The following ANK1 variants were observed in gnomAD, a reference collection of about 807,000 sequenced individuals.
ANK1 encodes ankyrin 1.
In ANK1, 51 loss-of-function variants were observed where a neutral mutation model predicts 210.4. That is an observed-to-expected ratio of 0.24 (90% CI 0.19 to 0.31). ANK1 has a LOEUF of 0.31. ANK1 is among the 10% of genes least tolerant of loss of function. The pLI is 1.00. For synonymous variants in ANK1, 967 were observed against 1,025.9 expected, an observed-to-expected ratio of 0.94 and a Z score of 1.10; for missense variants, 2,051 against 2,504.4, an observed-to-expected ratio of 0.82 and a Z score of 3.86.
rs780356739 is a variant in ANK1, at chr8:41,688,278, T to C, written c.4184-48A>G. On this transcript the variant is annotated intron_variant, in intron 34 of 42. Transcript: ENST00000289734. ...ATTTAGTAGCCAGGGCAGGACACAG[T>C]TGACAGGCCTGAGGACACGGCCTGT... 4.4e-6 allele frequency: 7 copies of C among 1,596,614 alleles called. No individual in the cohort carries two copies. The South Asian group carries it at 4.4e-5, about 10-fold the overall frequency.
upstream of ANK1, chr8:41,797,692 C>T (rs561376119): frequency 2.9e-4 from 353 of 1,197,732 alleles, 2 homozygotes; most frequent in African/African-American, 4.8e-3. This position sits in a 1 kb window ranked among gnomAD's most constrained non-coding sequence, Gnocchi z 4.0. Flanking sequence ...GCTGTCGGGC[C>T]GGGCGCTCCC....
chr8:41,886,402 T>C (rs1305128208), intron 1 of ANK1, among the ~76,000 whole-genome samples: 1 of 152,248 alleles, frequency 6.6e-6, no homozygotes, highest in African/African-American at 2.4e-5. Flanking sequence ...GGGAGCACTA[T>C]TGAGCAACTT....
chr8:41,687,105 C>A (rs1266686428), intron 35 of ANK1, among the ~76,000 whole-genome samples: 1 of 152,140 alleles, frequency 6.6e-6, no homozygotes, highest in African/African-American at 2.4e-5. Context: ...CAAGTCATTG[C>A]CAAAAGGTTT....
At chr8:41,689,403 C>T (rs6981415) in intron 33 of ANK1, among the ~76,000 whole-genome samples, 4,759 of 151,940 alleles carry the variant, frequency 0.031, 250 homozygotes, top group African/African-American at 0.11. Context: ...ACTGGGGTTA[C>T]AGGCATGAGC....
At chr8:41,868,507 C>T (rs1307459071) in intron 1 of ANK1, among the ~76,000 whole-genome samples, 1 of 152,228 alleles carries the variant, frequency 6.6e-6, no homozygotes, top group Non-Finnish European at 1.5e-5. Flanking sequence ...CTAAATGCAG[C>T]TTCCAGACAA....
intron 1 of ANK1, among the ~76,000 whole-genome samples, chr8:41,849,784 C>A (rs1276150812): frequency 6.6e-6 from 1 of 152,210 alleles, no homozygotes; most frequent in East Asian, 1.9e-4. Context: ...TTCGTCAGCA[C>A]GTCACTCACA....
chr8:41,680,642 T>C (rs1450610267), intron 37 of ANK1, among the ~76,000 whole-genome samples: 1 of 151,222 alleles, frequency 6.6e-6, no homozygotes, highest in Non-Finnish European at 1.5e-5. Flanking sequence ...TTGTCTTCAC[T>C]CTGGGAGTCC....
intron 1 of ANK1, chr8:41,788,998 T>G (rs1423647308): frequency 6.6e-6 from 1 of 152,322 alleles, no homozygotes; most frequent in Non-Finnish European, 1.5e-5. Context: ...AGGCTTTCTC[T>G]GTTTTGTGAA....
rs1831192596 is a variant in ANK1 at position 41,728,101 on chromosome 8, C to CG, written c.229-96dup. 16 of 1,252,384 alleles carry CG rather than the reference C, an allele frequency of 1.3e-5. No individual in the cohort carries two copies. The South Asian group carries it at 2.0e-4, about 15-fold the overall frequency. 77.6% of individuals were successfully genotyped at this position (1,252,384 alleles called of 1,614,324 possible). A position where few individuals can be genotyped will look rare whatever the true frequency, so the allele number is the denominator to read the frequency against. ...GTGGACAGGTGCTGCTTGAGGGACCCGGGGGCTTTCTTCATGGCCAAAAGG... is the reference window on the plus strand; with the variant it reads ...GTGGACAGGTGCTGCTTGAGGGACCCGGGGGGCTTTCTTCATGGCCAAAAGG... On this transcript the variant is annotated intron_variant, in intron 3 of 42. Coordinates refer to ENST00000289734, the MANE Select transcript of ANK1 (RefSeq NM_000037.4).
chr8:41,674,513 C>G (rs1206993742), intron 37 of ANK1, among the ~76,000 whole-genome samples: 1 of 152,226 alleles, frequency 6.6e-6, no homozygotes, highest in Non-Finnish European at 1.5e-5. Context: ...TTTCCTACAA[C>G]AGGATTGGGC....
chr8:41,697,798 G>A, intron 24 of ANK1: 2 of 592,376 alleles, frequency 3.4e-6, no homozygotes, highest in Admixed American at 2.3e-5. Context: ...GTCCTGGGCT[G>A]CATCCAAGGA....
chr8:41,835,056 C>A (rs191770330), intron 1 of ANK1, among the ~76,000 whole-genome samples: 1 of 152,252 alleles, frequency 6.6e-6, no homozygotes, highest in African/African-American at 2.4e-5. Context: ...TTGAAGGCAG[C>A]GAGATGGCGC....
chr8:41,876,548 A>G (rs111314517), intron 1 of ANK1, among the ~76,000 whole-genome samples: 13 of 152,386 alleles, frequency 8.5e-5, no homozygotes, highest in African/African-American at 3.1e-4. Flanking sequence ...AGGTTCGCAC[A>G]GCCAGTATGT....
At chr8:41,889,604 A>G (rs928896215) in intron 1 of ANK1, among the ~76,000 whole-genome samples, 8 of 152,164 alleles carry the variant, frequency 5.3e-5, no homozygotes, top group East Asian at 3.8e-4. Flanking sequence ...AGTGTCTCCA[A>G]TGCAAGTTTT....
At chr8:41,832,238 C>T (rs1806805640) in intron 1 of ANK1, among the ~76,000 whole-genome samples, 1 of 152,168 alleles carries the variant, frequency 6.6e-6, no homozygotes, top group Non-Finnish European at 1.5e-5. Flanking sequence ...TATGGCTCCC[C>T]ACCAGAAGGG....
At chr8:41,882,867 G>A (rs550596407) in intron 1 of ANK1, among the ~76,000 whole-genome samples, 2 of 152,364 alleles carry the variant, frequency 1.3e-5, no homozygotes, top group African/African-American at 4.8e-5. Context: ...CCGTGACCTT[G>A]AAAGCAACTT....
intron 1 of ANK1, among the ~76,000 whole-genome samples, chr8:41,834,322 T>G (rs2150799771): frequency 6.6e-6 from 1 of 152,172 alleles, no homozygotes; most frequent in East Asian, 1.9e-4. Flanking sequence ...TAACAGGATG[T>G]GGGAGGTGAG....
intron 1 of ANK1, among the ~76,000 whole-genome samples, chr8:41,794,894 C>T (rs187596692): frequency 6.6e-5 from 10 of 152,128 alleles, no homozygotes; most frequent in Non-Finnish European, 1.3e-4. Context: ...TTAACAGAGG[C>T]GGGGTTTCAC....
At chr8:41,686,717 A>G (rs990291664) in intron 35 of ANK1, among the ~76,000 whole-genome samples, 1 of 152,210 alleles carries the variant, frequency 6.6e-6, no homozygotes, top group Non-Finnish European at 1.5e-5. Flanking sequence ...CCTACTGCCA[A>G]GAACCAATGA....
Sources: gnomAD v4.1 joint callset for allele counts (sites outside exome capture counted in the v4.1 genomes callset) on GRCh38, gnomAD v4.1.1 for gene constraint, Gnocchi (gnomAD v3.1) non-coding constraint, MANE v1.5 for transcripts, NCBI Gene and HGNC (gene_info 2026-07-23, HGNC 2026-07-21) for gene names.